GNA11: variants seen among roughly 807,000 people sequenced by gnomAD.
GNA11 encodes G protein subunit alpha 11, also known as guanine nucleotide-binding protein subunit alpha-11.
In GNA11, 8 loss-of-function variants were observed where a neutral mutation model predicts 38.2. That is an observed-to-expected ratio of 0.21 (90% CI 0.12 to 0.38). GNA11 has a LOEUF of 0.38. Among genes scored for constraint, GNA11 ranks in the 10% least tolerant of loss-of-function variants. The pLI is 1.00. For missense variants in GNA11, 268 were observed against 516.3 expected, an observed-to-expected ratio of 0.52 and a Z score of 4.66; for synonymous variants, 211 against 221.4, an observed-to-expected ratio of 0.95 and a Z score of 0.42.
At chr19:3,109,686 T>C (rs1286495279) in intron 1 of GNA11, among the ~76,000 whole-genome samples, 1 of 152,152 alleles carries the variant, frequency 6.6e-6, no homozygotes, top group African/African-American at 2.4e-5. Context: ...CTTGGGGTGG[T>C]CTGTGCAGAG....
At chr19:3,102,648 T>C (rs575076251) in intron 1 of GNA11, among the ~76,000 whole-genome samples, 1 of 152,234 alleles carries the variant, frequency 6.6e-6, no homozygotes, top group Admixed American at 6.5e-5. Flanking sequence ...TCCCCTCCAG[T>C]CAATCAGGCG....
At position 3,121,223 on chromosome 19, in the gene GNA11, C is replaced by T. The variant is rs1357358478; in HGVS notation, c.*44C>T. On this transcript the variant is annotated 3_prime_UTR_variant, in exon 7 of 7. Coordinates refer to ENST00000078429, the MANE Select transcript of GNA11 (RefSeq NM_002067.5). ...ACGGGATGGAGACACGGGGCAGGAC[C>T]TTCCTTCCACGGAGCCTGCGGCTGC... 4 of 1,493,572 alleles carry T rather than the reference C, an allele frequency of 2.7e-6. No homozygotes were observed. The highest frequency in any genetic ancestry group is 1.8e-5 in the Admixed American group (1 of 55,264). 92.5% of individuals were successfully genotyped at this position (1,493,572 alleles called of 1,614,324 possible). A position where few individuals can be genotyped will look rare whatever the true frequency, so the allele number is the denominator to read the frequency against.
At chr19:3,104,369 C>T (rs942449025) in intron 1 of GNA11, among the ~76,000 whole-genome samples, 2 of 152,192 alleles carry the variant, frequency 1.3e-5, no homozygotes, top group Non-Finnish European at 2.9e-5. Flanking sequence ...CTAGTGGTGG[C>T]GTGCTGAGTG....
chr19:3,114,237 G>T (rs1423304368), intron 3 of GNA11, among the ~76,000 whole-genome samples: 1 of 152,172 alleles, frequency 6.6e-6, no homozygotes, highest in Admixed American at 6.5e-5. Context: ...TGCCGGAAAG[G>T]TCTGAGCAGG....
At chr19:3,097,168 G>A (rs1913392207) in intron 1 of GNA11, among the ~76,000 whole-genome samples, 1 of 152,054 alleles carries the variant, frequency 6.6e-6, no homozygotes, top group African/African-American at 2.4e-5. Flanking sequence ...GCTAGAGGGT[G>A]GGGCCGAGGC....
At position 3,123,653 on chromosome 19, in the gene GNA11, G is replaced by A; in HGVS notation, c.*2474G>A. The A allele has an allele frequency of 4.3e-6, 1 of 233,286 alleles. No homozygotes were observed. Among genetic ancestry groups the A allele is most frequent in the Non-Finnish European group, 8.5e-6 (1 of 118,024 alleles). The allele number at this position is 233,286 out of a possible 1,614,324, so 14.5% of individuals were successfully genotyped here. A position where few individuals can be genotyped will look rare whatever the true frequency, so the allele number is the denominator to read the frequency against. On this transcript the variant is annotated 3_prime_UTR_variant, in exon 7 of 7. Coordinates refer to ENST00000078429, the MANE Select transcript of GNA11 (RefSeq NM_002067.5). ...CTGGGTCCCCCGGCTCCCCCAGGGAGGCATCCCCGTGCCAATGTCCCCCAG... is the reference window on the plus strand; with the variant it reads ...CTGGGTCCCCCGGCTCCCCCAGGGAAGCATCCCCGTGCCAATGTCCCCCAG...
At chr19:3,111,546 G>A (rs568160017) in intron 2 of GNA11, among the ~76,000 whole-genome samples, 19 of 152,220 alleles carry the variant, frequency 1.2e-4, no homozygotes, top group African/African-American at 4.1e-4. Context: ...GAGGGACCGC[G>A]TATTTGCCCA....
At chr19:3,101,558 G>A (rs577565382) in intron 1 of GNA11, among the ~76,000 whole-genome samples, 6 of 74 alleles carry the variant, frequency 0.081, no homozygotes, top group East Asian at 0.5. Flanking sequence ...TCTGGAGAGG[G>A]GGCCTGGGCT....
At chr19:3,102,661 G>A (rs1913534752) in intron 1 of GNA11, among the ~76,000 whole-genome samples, 1 of 152,180 alleles carries the variant, frequency 6.6e-6, no homozygotes, top group African/African-American at 2.4e-5. Context: ...ATCAGGCGCT[G>A]AGGTGCTGTC....
chr19:3,118,683 C>T, intron 4 of GNA11: 1 of 492,308 alleles, frequency 2.0e-6, no homozygotes, highest in South Asian at 3.2e-5. Flanking sequence ...GCGCCCGCTT[C>T]CCTGGGCCCA....
At chr19:3,115,946 G>GGGGTCATAGGGGCCGAGGCTGTCAGGGAA (rs1913908499) in intron 4 of GNA11, among the ~76,000 whole-genome samples, 1 of 137,776 alleles carries the variant, frequency 7.3e-6, no homozygotes, top group Non-Finnish European at 1.5e-5. Context: ...TGTGAGGGGA[G>GGGGTCATAGGGGCCGAGGCTGTCAGGGAA]GAGGGGTCGT....
At position 3,111,539 on chromosome 19, in the gene GNA11, G is replaced by A. The variant is rs111786217; in HGVS notation, c.321+1206G>A. On this transcript the variant is annotated intron_variant, in intron 2 of 6. Coordinates refer to ENST00000078429, the MANE Select transcript of GNA11 (RefSeq NM_002067.5). Reference sequence around the variant, plus strand: ...CTGAGTCATGTTCCAGTGCATGGAGGGACCGCGTATTTGCCCATTTATCCC... The same window carrying A: ...CTGAGTCATGTTCCAGTGCATGGAGAGACCGCGTATTTGCCCATTTATCCC... Among the ~76,000 whole-genome samples, 1,336 of 152,286 alleles carry A rather than the reference G, an allele frequency of 8.8e-3. 14 individuals carry two copies. The highest frequency in any genetic ancestry group is 0.014 in the Non-Finnish European group (981 of 68,024).
intron 1 of GNA11, among the ~76,000 whole-genome samples, chr19:3,099,031 A>G (rs308036): frequency 0.74 from 112,211 of 152,082 alleles, 41,374 homozygotes; most frequent in Admixed American, 0.79. Flanking sequence ...CCGGTGCTGT[A>G]GTGAGAGTGG....
chr19:3,118,770 G>A (rs987397052), intron 4 of GNA11, 154 bp from the exon 5 acceptor site: 4 of 688,644 alleles, frequency 5.8e-6, no homozygotes, highest in Non-Finnish European at 9.9e-6. Flanking sequence ...CGCTCTCTGA[G>A]AGCGTCCTTG....
intron 4 of GNA11, among the ~76,000 whole-genome samples, chr19:3,116,830 G>A (rs1367895406): frequency 6.6e-6 from 1 of 152,200 alleles, no homozygotes; most frequent in Non-Finnish European, 1.5e-5. Context: ...CTGGTGCACT[G>A]CCGAGGCCAT....
At chr19:3,099,933 T>C (rs1231009056) in intron 1 of GNA11, among the ~76,000 whole-genome samples, 2 of 152,090 alleles carry the variant, frequency 1.3e-5, no homozygotes, top group African/African-American at 4.8e-5. Context: ...GGTCTGTGCC[T>C]CAGTTTCCTC....
Position 3,120,243 on chromosome 19 carries a change from C to T in GNA11, c.890-746C>T, listed in dbSNP as rs552333361. On this transcript the variant is annotated intron_variant, in intron 6 of 6. Coordinates refer to ENST00000078429, the MANE Select transcript of GNA11 (RefSeq NM_002067.5). The surrounding 1 kb of genome is among the most constrained non-coding windows in gnomAD (Gnocchi z 5.9). ...GGCCGCTGGCTGCAGGCGCAGGGCC[C>T]TGCTGTCCCTGGGCAGGGGAGTGGC... 1.3e-5 allele frequency among the ~76,000 whole-genome samples: 2 copies of T among 152,164 alleles called. No homozygotes were observed. The highest frequency in any genetic ancestry group is 3.9e-4 in the East Asian group (2 of 5,162).
chr19:3,110,329 A>G lies in GNA11; in HGVS notation c.317A>G (p.Asn106Ser), dbSNP rs1306652036. ...TLKILYKYEQNKANALLIREV... is the reference protein window; with the variant it reads ...TLKILYKYEQSKANALLIREV... ...AAGATCCTCTACAAGTACGAGCAGAACAAGGTGAGCCCGCGGGCGCCTGGG... is the reference window on the plus strand; with the variant it reads ...AAGATCCTCTACAAGTACGAGCAGAGCAAGGTGAGCCCGCGGGCGCCTGGG... Residue 106 changes from asparagine to serine, a missense_variant, in exon 2 of 7, where the codon AAC (asparagine) becomes AGC (serine). Physicochemically the swap from Asn to Ser is conservative, Grantham distance 46. Coordinates refer to ENST00000078429, the MANE Select transcript of GNA11 (RefSeq NM_002067.5). This position sits in a 1 kb window ranked among gnomAD's most constrained non-coding sequence, Gnocchi z 5.4. 6.2e-7 allele frequency: 1 copy of G among 1,609,464 alleles called. No individual in the cohort carries two copies. Among genetic ancestry groups the G allele is most frequent in the East Asian group, 2.2e-5 (1 of 44,730 alleles).
intron 1 of GNA11, among the ~76,000 whole-genome samples, chr19:3,099,765 C>G (rs537306916): frequency 5.9e-5 from 9 of 152,228 alleles, no homozygotes; most frequent in African/African-American, 2.2e-4. Context: ...GCCTGGCCTC[C>G]CGCAGTCTGC....
Sources: gnomAD v4.1 joint callset for allele counts (sites outside exome capture counted in the v4.1 genomes callset) on GRCh38, gnomAD v4.1.1 for gene constraint, Gnocchi (gnomAD v3.1) non-coding constraint, MANE v1.5 for transcripts, NCBI Gene and HGNC (gene_info 2026-07-23, HGNC 2026-07-21) for gene names.